ENOX1: variants seen among roughly 807,000 people sequenced by gnomAD.
ENOX1 encodes ecto-NOX disulfide-thiol exchanger 1.
ENOX1 carries 42 observed loss-of-function variants against 82.5 expected under a neutral mutation model. The observed-to-expected ratio is 0.51, with a 90% CI of 0.40 to 0.66. The LOEUF (loss-of-function observed/expected upper bound fraction) is 0.66, where lower values mean the gene tolerates loss of function less well. Ranked by LOEUF, ENOX1 falls within the 30% of genes least tolerant of loss-of-function variation. The pLI, the probability that ENOX1 is intolerant of heterozygous loss-of-function variation, is 0.00. For missense variants in ENOX1, 608 were observed against 811.6 expected, an observed-to-expected ratio of 0.75 and a Z score of 3.05; for synonymous variants, 271 against 282.2, an observed-to-expected ratio of 0.96 and a Z score of 0.40.
chr13:43,480,238 T>C (rs9533509), intron 3 of ENOX1, among the ~76,000 whole-genome samples: 82,845 of 152,000 alleles, frequency 0.55, 22,958 homozygotes, highest in East Asian at 0.83. Flanking sequence ...TGCACCTGGC[T>C]GGTTACTAAA....
chr13:43,693,971 G>A (rs950514387), intron 1 of ENOX1, among the ~76,000 whole-genome samples: 22 of 152,162 alleles, frequency 1.4e-4, no homozygotes, highest in Non-Finnish European at 3.2e-4. Context: ...AGGACTTGGT[G>A]ACTGGTCTTC....
intron 3 of ENOX1, among the ~76,000 whole-genome samples, chr13:43,476,242 G>A (rs1216118582): frequency 6.6e-6 from 1 of 151,978 alleles, no homozygotes; most frequent in African/African-American, 2.4e-5. Context: ...CATAAAACAA[G>A]CCTAAAATCT....
intron 12 of ENOX1, among the ~76,000 whole-genome samples, chr13:43,277,679 G>A (rs192355272): frequency 6.6e-6 from 1 of 152,208 alleles, no homozygotes; most frequent in Admixed American, 6.5e-5. Flanking sequence ...GGCACAGGCT[G>A]TGTGTTCGCT....
At chr13:43,527,380 T>C (rs538763858) in intron 2 of ENOX1, among the ~76,000 whole-genome samples, 1 of 152,272 alleles carries the variant, frequency 6.6e-6, no homozygotes, top group Admixed American at 6.5e-5. Context: ...TGATGACCAC[T>C]ATACAATGTT....
At chr13:43,316,447 T>C (rs2047490414) in intron 11 of ENOX1, among the ~76,000 whole-genome samples, 1 of 152,158 alleles carries the variant, frequency 6.6e-6, no homozygotes, top group Non-Finnish European at 1.5e-5. Flanking sequence ...TGATAGGTGC[T>C]ACATAAAAAT....
chr13:43,600,590 G>C (rs557401195), intron 2 of ENOX1, among the ~76,000 whole-genome samples: 8 of 152,236 alleles, frequency 5.3e-5, no homozygotes, highest in Admixed American at 3.9e-4. Context: ...TCTAACCTGG[G>C]GGGGATCTTT....
At chr13:43,585,835 C>T (rs1416107474) in intron 2 of ENOX1, among the ~76,000 whole-genome samples, 3 of 152,288 alleles carry the variant, frequency 2.0e-5, no homozygotes, top group Non-Finnish European at 2.9e-5. Context: ...CGTTGGCCTC[C>T]CAAAGTGCTG....
At chr13:43,537,178 C>T (rs771255623) in intron 2 of ENOX1, among the ~76,000 whole-genome samples, 2 of 152,132 alleles carry the variant, frequency 1.3e-5, no homozygotes, top group Non-Finnish European at 2.9e-5. Flanking sequence ...AAAGGCATGA[C>T]GTTGGCACTC....
intron 15 of ENOX1, among the ~76,000 whole-genome samples, chr13:43,234,681 T>C (rs2042438667): frequency 6.6e-6 from 1 of 152,198 alleles, no homozygotes; most frequent in Non-Finnish European, 1.5e-5. Context: ...TAATTTTATA[T>C]AGTTTTTTGT....
intron 5 of ENOX1, among the ~76,000 whole-genome samples, chr13:43,372,502 A>T (rs999032052): frequency 2.6e-5 from 4 of 152,194 alleles, no homozygotes; most frequent in Non-Finnish European, 5.9e-5. Flanking sequence ...GTCATCTCAT[A>T]CCACTTAGCT....
intron 11 of ENOX1, among the ~76,000 whole-genome samples, chr13:43,309,984 A>T (rs952921903): frequency 8.6e-5 from 13 of 152,026 alleles, no homozygotes; most frequent in Admixed American, 3.3e-4. Context: ...TGGGCATATC[A>T]TGAGGTCAGG....
intron 3 of ENOX1, among the ~76,000 whole-genome samples, chr13:43,449,216 C>T (rs759191150): frequency 1.8e-4 from 28 of 152,188 alleles, no homozygotes; most frequent in Non-Finnish European, 2.6e-4. Context: ...TTTCCCTAAG[C>T]AGACGCAAAC....
intron 1 of ENOX1, among the ~76,000 whole-genome samples, chr13:43,714,224 T>C (rs1449103643): frequency 5.3e-5 from 8 of 152,160 alleles, no homozygotes; most frequent in Non-Finnish European, 1.2e-4. Context: ...TTGAGTGGTT[T>C]TGAGTGAGTT....
chr13:43,329,948 T>C (rs2153533228), intron 9 of ENOX1, among the ~76,000 whole-genome samples: 1 of 152,262 alleles, frequency 6.6e-6, no homozygotes, highest in South Asian at 2.1e-4. Flanking sequence ...TCATCATCAT[T>C]AGGGAAAAAG....
At chr13:43,247,650 C>T (rs1386273117) in intron 14 of ENOX1, among the ~76,000 whole-genome samples, 1 of 149,800 alleles carries the variant, frequency 6.7e-6, no homozygotes, top group Non-Finnish European at 1.5e-5. Flanking sequence ...GCTGGGAATA[C>T]CCCTTTCCAG....
intron 2 of ENOX1, among the ~76,000 whole-genome samples, chr13:43,609,438 A>G (rs2082108473): frequency 6.6e-6 from 1 of 152,216 alleles, no homozygotes; most frequent in Admixed American, 6.6e-5. Flanking sequence ...GTTTTGGTAC[A>G]ATGAATAATT....
At chr13:43,343,866 AT>A (rs777151972) in intron 9 of ENOX1, among the ~76,000 whole-genome samples, 11 of 152,164 alleles carry the variant, frequency 7.2e-5, no homozygotes, top group South Asian at 4.1e-4. Context: ...CATAAAAAAA[AT>A]ATACGCCCTT....
intron 2 of ENOX1, among the ~76,000 whole-genome samples, chr13:43,583,464 C>T (rs1166054000): frequency 2.6e-5 from 4 of 152,122 alleles, no homozygotes; most frequent in Non-Finnish European, 5.9e-5. Context: ...ATTTCAATGA[C>T]AGTCAAACAC....
intron 7 of ENOX1, 187 bp downstream of exon 7, chr13:43,359,664 G>T (rs2050372483): frequency 1.7e-6 from 1 of 590,038 alleles, no homozygotes; most frequent in Non-Finnish European, 3.0e-6. Context: ...AATTGCTCCT[G>T]CAGTGAAGTA....
Sources: allele counts gnomAD v4.1 joint callset (sites outside exome capture counted in the v4.1 genomes callset), GRCh38; gene constraint gnomAD v4.1.1; transcripts MANE v1.5; gene names NCBI Gene and HGNC (gene_info 2026-07-23, HGNC 2026-07-21).